Variants in UNC5D observed in about 807,000 individuals in gnomAD.
UNC5D encodes netrin receptor UNC5D.
UNC5D carries 39 observed loss-of-function variants against 105.4 expected under a neutral mutation model. The ratio of observed to expected loss-of-function variants is 0.37; its 90% CI spans 0.29 to 0.48. The LOEUF is 0.48. Among genes scored for constraint, UNC5D ranks in the 20% least tolerant of loss-of-function variants. The pLI, the probability that UNC5D is intolerant of heterozygous loss-of-function variation, is 0.98. For synonymous variants in UNC5D, 452 were observed against 450.4 expected, an observed-to-expected ratio of 1.00 and a Z score of -0.04; for missense variants, 991 against 1,202.4, an observed-to-expected ratio of 0.82 and a Z score of 2.60.
chr8:35,252,367 C>T (rs1194790784), intron 1 of UNC5D, among the ~76,000 whole-genome samples: 9 of 152,098 alleles, frequency 5.9e-5, no homozygotes, highest in African/African-American at 1.7e-4. Context: ...TCTCCTTTAA[C>T]CCATTTTTCT....
At chr8:35,560,708 C>CT (rs11411748) in intron 2 of UNC5D, among the ~76,000 whole-genome samples, 35,071 of 151,960 alleles carry the variant, frequency 0.23, 4,400 homozygotes, top group African/African-American at 0.33. Context: ...GATAATATAC[C>CT]TTTTGTGGGA....
intron 1 of UNC5D, among the ~76,000 whole-genome samples, chr8:35,498,558 G>A (rs537692778): frequency 1.3e-5 from 2 of 152,238 alleles, no homozygotes; most frequent in South Asian, 4.2e-4. Context: ...GGAGGAACAG[G>A]AAACTGGATG....
chr8:35,388,435 T>C (rs1392732381), intron 1 of UNC5D, among the ~76,000 whole-genome samples: 1 of 152,140 alleles, frequency 6.6e-6, no homozygotes, highest in Non-Finnish European at 1.5e-5. Context: ...TGCCTAGCAC[T>C]GAATCTCCAG....
chr8:35,239,090 G>A (rs1242344918), intron 1 of UNC5D, among the ~76,000 whole-genome samples: 1 of 152,118 alleles, frequency 6.6e-6, no homozygotes, highest in Non-Finnish European at 1.5e-5. Context: ...ACCTTCTTAA[G>A]AGATCTTTTA....
intron 1 of UNC5D, among the ~76,000 whole-genome samples, chr8:35,356,004 C>T (rs762790998): frequency 9.2e-5 from 14 of 152,224 alleles, no homozygotes; most frequent in Middle Eastern, 3.4e-3. Flanking sequence ...CTGCAAACTC[C>T]GCCTCTCTGA....
At chr8:35,571,040 A>G (rs1966721) in intron 3 of UNC5D, among the ~76,000 whole-genome samples, 73,261 of 151,688 alleles carry the variant, frequency 0.48, 21,291 homozygotes, top group African/African-American at 0.83. Flanking sequence ...GAGAGAGAGA[A>G]ATGGGGTTTG....
chr8:35,460,260 A>C (rs1480501882), intron 1 of UNC5D, among the ~76,000 whole-genome samples: 1 of 152,158 alleles, frequency 6.6e-6, no homozygotes, highest in Admixed American at 6.5e-5. Context: ...TCAGTGTTCA[A>C]AACATTCCTG....
At chr8:35,762,164 T>C (rs975932874) in intron 14 of UNC5D, among the ~76,000 whole-genome samples, 3 of 152,104 alleles carry the variant, frequency 2.0e-5, no homozygotes, top group African/African-American at 4.8e-5. Context: ...TCTGGGAAGG[T>C]AGAACTTCCC....
intron 4 of UNC5D, among the ~76,000 whole-genome samples, chr8:35,600,981 G>A (rs1819837074): frequency 6.6e-6 from 1 of 151,964 alleles, no homozygotes; most frequent in Admixed American, 6.6e-5. Flanking sequence ...TTTGTATAAG[G>A]TGTAAGGAAG....
At chr8:35,342,212 T>C (rs539084141) in intron 1 of UNC5D, among the ~76,000 whole-genome samples, 2 of 152,208 alleles carry the variant, frequency 1.3e-5, no homozygotes, top group East Asian at 3.9e-4. Context: ...TTGGACCTTT[T>C]CCGTGACCCC....
At chr8:35,638,936 A>G (rs1253619462) in intron 4 of UNC5D, among the ~76,000 whole-genome samples, 1 of 152,236 alleles carries the variant, frequency 6.6e-6, no homozygotes, top group Non-Finnish European at 1.5e-5. Context: ...CTGAAGCCAA[A>G]TAAGTTATAC....
chr8:35,483,082 C>T (rs981492061), intron 1 of UNC5D, among the ~76,000 whole-genome samples: 1 of 151,846 alleles, frequency 6.6e-6, no homozygotes, highest in African/African-American at 2.4e-5. Flanking sequence ...GGATTACAGG[C>T]GTGAGCCACT....
Position 35,470,307 on chromosome 8 carries a change from C to A in UNC5D, c.104-78985C>A, listed in dbSNP as rs193272200. ...TGGTTTTGAGGCCATAACATAAAAT[C>A]TTAGGTAATTTATTCATTAACATAA... is the stretch of plus-strand genomic sequence containing the variant. On this transcript the variant is annotated intron_variant, in intron 1 of 16. Transcript: ENST00000404895. Among the ~76,000 whole-genome samples, 140 of 152,134 alleles carry A rather than the reference C, an allele frequency of 9.2e-4. 1 individual carries two copies. Among genetic ancestry groups the A allele is most frequent in the Middle Eastern group, 3.4e-3 (1 of 294 alleles).
intron 1 of UNC5D, among the ~76,000 whole-genome samples, chr8:35,287,937 A>G (rs1374424372): frequency 6.6e-6 from 1 of 152,204 alleles, no homozygotes; most frequent in Admixed American, 6.5e-5. Context: ...CAACAATATA[A>G]AAGAGTGAAG....
At chr8:35,648,929 C>T (rs1823239216) in intron 4 of UNC5D, among the ~76,000 whole-genome samples, 1 of 152,046 alleles carries the variant, frequency 6.6e-6, no homozygotes. Context: ...ATATCTAACA[C>T]TGATTTAGGC....
At chr8:35,403,195 A>T (rs1164595339) in intron 1 of UNC5D, among the ~76,000 whole-genome samples, 1 of 152,216 alleles carries the variant, frequency 6.6e-6, no homozygotes, top group East Asian at 1.9e-4. Flanking sequence ...CCTTTTGCTA[A>T]AGCTTGTTGG....
Position 35,367,992 on chromosome 8 carries a change from GC to G in UNC5D, c.103+132108del, listed in dbSNP as rs1263380364. Reference sequence around the variant, plus strand: ...AGCAAGCAGGTTTCTTGTAAAGTATGCCCATGCCTACCTTTGTTTTTAATTA... The same window carrying G: ...AGCAAGCAGGTTTCTTGTAAAGTATGCCATGCCTACCTTTGTTTTTAATTA... On this transcript the variant is annotated intron_variant, in intron 1 of 16. Coordinates refer to ENST00000404895, the MANE Select transcript of UNC5D (RefSeq NM_080872.4). Among the ~76,000 whole-genome samples, 11 of 152,186 alleles carry G rather than the reference GC, an allele frequency of 7.2e-5. No individual in the cohort carries two copies. The East Asian group carries it at 1.4e-3, about 19-fold the overall frequency.
At chr8:35,340,018 A>G (rs1811347174) in intron 1 of UNC5D, among the ~76,000 whole-genome samples, 1 of 152,134 alleles carries the variant, frequency 6.6e-6, no homozygotes, top group South Asian at 2.1e-4. Context: ...AGTTTTAAAA[A>G]CTACATGATT....
intron 11 of UNC5D, among the ~76,000 whole-genome samples, chr8:35,733,091 GA>G (rs201631582): frequency 0.057 from 8,321 of 147,108 alleles, 438 homozygotes; most frequent in East Asian, 0.17. Context: ...ACTAAACTGT[GA>G]AAAAAAAAAA....
Sources: gnomAD v4.1 joint callset for allele counts (sites outside exome capture counted in the v4.1 genomes callset) on GRCh38, gnomAD v4.1.1 for gene constraint, MANE v1.5 for transcripts, NCBI Gene and HGNC (gene_info 2026-07-23, HGNC 2026-07-21) for gene names.